The following ARHGAP24 variants were observed in gnomAD, a reference collection of about 807,000 sequenced individuals.
ARHGAP24 encodes Rho GTPase activating protein 24.
ARHGAP24 carries 50 observed loss-of-function variants against 76.4 expected under a neutral mutation model. The ratio of observed to expected loss-of-function variants is 0.65; its 90% CI spans 0.52 to 0.83. The LOEUF (loss-of-function observed/expected upper bound fraction) is 0.83, where lower values mean the gene tolerates loss of function less well. Ranked by LOEUF, ARHGAP24 falls within the 40% of genes least tolerant of loss-of-function variation. The pLI is 0.00. For synonymous variants in ARHGAP24, 345 were observed against 323.3 expected (o/e 1.07, Z -0.72); for missense variants, 930 against 914.2 (o/e 1.02, Z -0.22).
At chr4:85,810,897 T>G (rs1434250196) in intron 3 of ARHGAP24, among the ~76,000 whole-genome samples, 1 of 152,220 alleles carries the variant, frequency 6.6e-6, no homozygotes, top group Non-Finnish European at 1.5e-5. Context: ...GAAAGCAACA[T>G]GTCCATTAAT....
intron 3 of ARHGAP24, among the ~76,000 whole-genome samples, chr4:85,882,559 G>T (rs1160610548): frequency 1.3e-5 from 2 of 152,126 alleles, no homozygotes; most frequent in African/African-American, 4.8e-5. Flanking sequence ...TTTACAAAAT[G>T]AGGAGCATGG....
chr4:85,992,617 G>A (rs369742191), intron 8 of ARHGAP24, among the ~76,000 whole-genome samples: 10 of 152,244 alleles, frequency 6.6e-5, no homozygotes, highest in African/African-American at 2.2e-4. Flanking sequence ...GTGTGTCTGC[G>A]TGTGGGCAAA....
At chr4:85,598,507 T>C (rs1369196127) in intron 2 of ARHGAP24, among the ~76,000 whole-genome samples, 1 of 152,066 alleles carries the variant, frequency 6.6e-6, no homozygotes, top group East Asian at 1.9e-4. Flanking sequence ...TTGTGAACTT[T>C]TTACTCTTTC....
intron 3 of ARHGAP24, among the ~76,000 whole-genome samples, chr4:85,901,400 A>G (rs1312812849): frequency 6.6e-6 from 1 of 152,188 alleles, no homozygotes; most frequent in Non-Finnish European, 1.5e-5. Context: ...AAAAAAAAAA[A>G]ACTGACAAAA....
chr4:85,908,119 C>A (rs1734872093), intron 3 of ARHGAP24, among the ~76,000 whole-genome samples: 1 of 152,208 alleles, frequency 6.6e-6, no homozygotes, highest in African/African-American at 2.4e-5. Flanking sequence ...TCCCCATCTA[C>A]ACCACCATCT....
At chr4:85,769,621 T>TTTTC (rs1371467945) in intron 3 of ARHGAP24, among the ~76,000 whole-genome samples, 5 of 152,074 alleles carry the variant, frequency 3.3e-5, no homozygotes, top group Non-Finnish European at 7.4e-5. Context: ...TTAATCCTTT[T>TTTTC]TTTCTTTCTT....
intron 3 of ARHGAP24, among the ~76,000 whole-genome samples, chr4:85,811,880 A>C (rs1729028090): frequency 6.6e-6 from 1 of 152,230 alleles, no homozygotes; most frequent in African/African-American, 2.4e-5. Context: ...TACCTTTATA[A>C]TAAATGTGTT....
In ARHGAP24 at chr4:85,994,898, G is replaced by GC; in HGVS notation, c.1250dup (p.Leu418SerfsTer10). Reference sequence around the variant, plus strand: ...GTTCACAAGCTAGATGTGTCTAGAAGCCCCCCTCTCATGGTCAAAAAGAAC... The same window carrying GC: ...GTTCACAAGCTAGATGTGTCTAGAAGCCCCCCCTCTCATGGTCAAAAAGAAC... On this transcript the variant is annotated frameshift_variant, in exon 9 of 10. Coordinates refer to ENST00000395184, the MANE Select transcript of ARHGAP24 (RefSeq NM_001025616.3). LOFTEE classifies it high-confidence loss of function. 6.2e-7 allele frequency: 1 copy of GC among 1,614,028 alleles called. No individual in the cohort carries two copies. Among genetic ancestry groups the GC allele is most frequent in the Non-Finnish European group, 8.5e-7 (1 of 1,180,016 alleles).
chr4:85,984,256 T>G (rs1424069458), intron 8 of ARHGAP24, among the ~76,000 whole-genome samples: 1 of 152,214 alleles, frequency 6.6e-6, no homozygotes, highest in Non-Finnish European at 1.5e-5. Flanking sequence ...GTGAGTGTCT[T>G]AGTCCACTGG....
intron 2 of ARHGAP24, among the ~76,000 whole-genome samples, chr4:85,636,667 G>A (rs1338849780): frequency 6.6e-6 from 1 of 151,730 alleles, no homozygotes; most frequent in African/African-American, 2.4e-5. Flanking sequence ...CTGAAAATGC[G>A]GTGGAAATAA....
At chr4:85,513,364 A>G (rs983102714) in intron 1 of ARHGAP24, among the ~76,000 whole-genome samples, 6 of 152,180 alleles carry the variant, frequency 3.9e-5, no homozygotes, top group African/African-American at 1.4e-4. Flanking sequence ...GTTTGTCCAC[A>G]TGGGGATTCC....
intron 2 of ARHGAP24, among the ~76,000 whole-genome samples, chr4:85,696,051 T>A (rs1038923119): frequency 3.3e-5 from 5 of 152,158 alleles, no homozygotes; most frequent in Non-Finnish European, 5.9e-5. Context: ...ATAGACCAAC[T>A]TTTTCATTAT....
chr4:85,479,854 G>T (rs1030442060), intron 1 of ARHGAP24, among the ~76,000 whole-genome samples: 1 of 152,188 alleles, frequency 6.6e-6, no homozygotes, highest in Non-Finnish European at 1.5e-5. Context: ...CATACTGCCA[G>T]TTAGCACGTG....
intron 3 of ARHGAP24, among the ~76,000 whole-genome samples, chr4:85,919,769 T>A (rs1275255596): frequency 6.6e-6 from 1 of 152,086 alleles, no homozygotes; most frequent in Non-Finnish European, 1.5e-5. Flanking sequence ...AGACCTGGAG[T>A]GACACAGCAG....
intron 1 of ARHGAP24, among the ~76,000 whole-genome samples, chr4:85,553,676 G>A (rs1170540384): frequency 6.6e-6 from 1 of 152,168 alleles, no homozygotes; most frequent in African/African-American, 2.4e-5. Flanking sequence ...GTCCCCAGCC[G>A]ACCCAGAAGC....
intron 3 of ARHGAP24, among the ~76,000 whole-genome samples, chr4:85,724,613 A>G (rs1422948157): frequency 2.6e-5 from 4 of 151,628 alleles, no homozygotes; most frequent in African/African-American, 9.7e-5. Context: ...TAAAAAAACA[A>G]GAATTTTCAA....
At chr4:85,717,085 A>G (rs990390932) in intron 2 of ARHGAP24, among the ~76,000 whole-genome samples, 12 of 152,138 alleles carry the variant, frequency 7.9e-5, no homozygotes, top group Admixed American at 3.9e-4. Context: ...GAGAATATCT[A>G]TCGTATTTAC....
At chr4:85,798,838 A>C (rs1578239365) in intron 3 of ARHGAP24, among the ~76,000 whole-genome samples, 1 of 152,186 alleles carries the variant, frequency 6.6e-6, no homozygotes, top group Non-Finnish European at 1.5e-5. Context: ...ATTTTTTCAT[A>C]GCAAACAAAA....
intron 2 of ARHGAP24, among the ~76,000 whole-genome samples, chr4:85,599,047 C>CA (rs1269460397): frequency 6.6e-6 from 1 of 152,064 alleles, no homozygotes; most frequent in Non-Finnish European, 1.5e-5. Context: ...ACTTAAAGCA[C>CA]ATTTGAATTC....
Sources: allele counts gnomAD v4.1 joint callset (sites outside exome capture counted in the v4.1 genomes callset), GRCh38; gene constraint gnomAD v4.1.1; transcripts MANE v1.5; gene names NCBI Gene and HGNC (gene_info 2026-07-23, HGNC 2026-07-21).